The following SERPINE2 variants were observed in gnomAD, a reference collection of about 807,000 sequenced individuals.
The protein encoded by SERPINE2 is glia-derived nexin.
In SERPINE2, 14 loss-of-function variants were observed where a neutral mutation model predicts 36.3. The ratio of observed to expected loss-of-function variants is 0.39; its 90% confidence interval spans 0.25 to 0.60. The LOEUF is 0.60. SERPINE2 is among the 20% of genes least tolerant of loss of function. SERPINE2 has a pLI of 0.57. For missense variants in SERPINE2, 418 were observed against 499.6 expected, an observed-to-expected ratio of 0.84 and a Z score of 1.56; for synonymous variants, 192 against 191.8, an observed-to-expected ratio of 1.00 and a Z score of -0.01.
At chr2:223,999,887 CAGG>C (rs751522464) in intron 2 of SERPINE2, among the ~76,000 whole-genome samples, 2 of 152,164 alleles carry the variant, frequency 1.3e-5, no homozygotes, top group South Asian at 4.1e-4. Context: ...TATAAATCAC[CAGG>C]AGTTTTCTGA....
chr2:224,038,799 A>C (rs1692613887), intron 1 of SERPINE2: 4 of 445,060 alleles, frequency 9.0e-6, no homozygotes, highest in Non-Finnish European at 1.2e-5. Flanking sequence ...AGCTGCGGGT[A>C]TCACTGGACG....
At chr2:224,023,918 C>T (rs895960199) in intron 1 of SERPINE2, among the ~76,000 whole-genome samples, 6 of 152,186 alleles carry the variant, frequency 3.9e-5, no homozygotes, top group Admixed American at 3.9e-4. Flanking sequence ...AGCTTTGGTC[C>T]ATCCATATCC....
At chr2:223,999,814 G>T (rs150840935) in intron 2 of SERPINE2, among the ~76,000 whole-genome samples, 100 of 152,306 alleles carry the variant, frequency 6.6e-4, no homozygotes, top group Non-Finnish European at 7.8e-4. Context: ...AACTGTCTCG[G>T]CCGACACAGC....
At position 223,991,929 on chromosome 2, in the gene SERPINE2, C is replaced by A; in HGVS notation, c.559G>T (p.Val187Leu). 1 of 1,613,120 alleles carries A rather than the reference C, an allele frequency of 6.2e-7. No homozygotes were observed. The highest frequency in any genetic ancestry group is 1.1e-5 in the South Asian group (1 of 90,896). The change falls in exon 4 of 9, where the codon GTG becomes TTG. Residue 187 changes from valine (V) to leucine (L), a missense_variant. Physicochemically the swap from Val to Leu is conservative, Grantham distance 32. Transcript: ENST00000409304. ...GATTTCCACAGACCCTTGAAATACA[C>A]TGCGTTGACGAGGACCAGTCTGGTG... ...VLTRLVLVNA[V>L]YFKGLWKSRF...
intron 3 of SERPINE2, among the ~76,000 whole-genome samples, chr2:223,995,383 G>A (rs542442396): frequency 1.3e-5 from 2 of 152,338 alleles, no homozygotes; most frequent in East Asian, 1.9e-4. Flanking sequence ...CCCAGGTAAA[G>A]GCAGTTTGGA....
chr2:224,007,344 T>C (rs1183985409), intron 1 of SERPINE2, among the ~76,000 whole-genome samples: 1 of 152,238 alleles, frequency 6.6e-6, no homozygotes, highest in African/African-American at 2.4e-5. Context: ...GATCATGTTT[T>C]ATAAAACATA....
chr2:224,017,536 AT>A (rs1257122263), intron 1 of SERPINE2, among the ~76,000 whole-genome samples: 2 of 152,164 alleles, frequency 1.3e-5, no homozygotes, highest in Non-Finnish European at 2.9e-5. Context: ...ATTAATTCTT[AT>A]TCTATAAGAA....
chr2:224,026,382 T>C (rs984079697), intron 1 of SERPINE2, among the ~76,000 whole-genome samples: 1 of 152,238 alleles, frequency 6.6e-6, no homozygotes. Context: ...AAGTACTAAA[T>C]CTGTATTCAA....
At chr2:224,006,530 T>A (rs1418784211) in intron 1 of SERPINE2, among the ~76,000 whole-genome samples, 9 of 152,308 alleles carry the variant, frequency 5.9e-5, no homozygotes, top group Non-Finnish European at 1.0e-4. Flanking sequence ...TAGCATTTCC[T>A]ATTTGCCTGT....
chr2:223,998,219 G>A lies in SERPINE2; in HGVS notation c.383C>T (p.Thr128Ile), dbSNP rs1690970362. The A allele has an allele frequency of 1.2e-6, 2 of 1,613,946 alleles. No individual in the cohort carries two copies. The highest frequency in any genetic ancestry group is 2.7e-5 in the African/African-American group (2 of 74,922). ...NASEIEVPFV[T>I]RNKDVFQCEV... is the part of the protein sequence containing the mutation. ...ACACTGGAACACATCTTTGTTCCTT[G>A]TAACAAAAGGCACTTCAATTTCAGA... is the stretch of plus-strand genomic sequence containing the variant. The change falls in exon 3 of 9, where the codon ACA (threonine) becomes ATA (isoleucine). Residue 128 changes from threonine to isoleucine, a missense_variant. Thr to Ile is a moderately conservative substitution (Grantham distance 89). Coordinates refer to ENST00000409304, the MANE Select transcript of SERPINE2 (RefSeq NM_001136528.2).
At position 223,980,335 on chromosome 2, in the gene SERPINE2, C is replaced by T; in HGVS notation, c.1048G>A (p.Gly350Arg). 2 of 1,614,100 alleles carry T rather than the reference C, an allele frequency of 1.2e-6. No homozygotes were observed. Among genetic ancestry groups the T allele is most frequent in the Non-Finnish European group, 1.7e-6 (2 of 1,179,950 alleles). Reference sequence around the variant, plus strand: ...CTTGTTGCTGCTGAAGCTTTGGTTCCATCTTCACTGACTTCAATTTTTGCT... The same window carrying T: ...CTTGTTGCTGCTGAAGCTTTGGTTCTATCTTCACTGACTTCAATTTTTGCT... The part of the protein sequence containing the change: ...QKAKIEVSED[G>R]TKASAATTAI... The change falls in exon 7 of 9, where the codon GGA (glycine) becomes AGA (arginine). Residue 350 changes from glycine to arginine, a missense_variant. Gly to Arg is a moderately radical substitution (Grantham distance 125). Coordinates refer to ENST00000409304, the MANE Select transcript of SERPINE2 (RefSeq NM_001136528.2).
At chr2:224,030,880 G>T in intron 1 of SERPINE2, 1 of 770,928 alleles carries the variant, frequency 1.3e-6, no homozygotes, top group Non-Finnish European at 1.6e-6. Flanking sequence ...TCAATCCAAA[G>T]GTCAGTACTA....
intron 1 of SERPINE2, among the ~76,000 whole-genome samples, chr2:224,021,114 G>A (rs548608426): frequency 1.4e-4 from 21 of 152,302 alleles, no homozygotes; most frequent in African/African-American, 4.3e-4. Context: ...CTTCGTTCAG[G>A]AGTCAAACCT....
At position 223,975,644 on chromosome 2, in the gene SERPINE2, C is replaced by G. The variant is rs1359207362; in HGVS notation, c.*223G>C. 2 of 401,312 alleles carry G rather than the reference C, an allele frequency of 5.0e-6. No individual in the cohort carries two copies. The highest frequency in any genetic ancestry group is 8.9e-6 in the Non-Finnish European group (2 of 225,400). 24.9% of individuals were successfully genotyped at this position (401,312 alleles called of 1,614,324 possible). On this transcript the variant is annotated 3_prime_UTR_variant, in exon 9 of 9. Coordinates refer to ENST00000409304, the MANE Select transcript of SERPINE2 (RefSeq NM_001136528.2). ...AAGAATCTTTTAGACATCTGGAAGC[C>G]TTTCTATTCATTCCTCAGTACAGTG...
intron 4 of SERPINE2, among the ~76,000 whole-genome samples, chr2:223,986,095 AG>A (rs537828908): frequency 1.3e-5 from 2 of 152,198 alleles, no homozygotes; most frequent in Admixed American, 6.5e-5. Flanking sequence ...TCCATAGAAC[AG>A]GGTTGGGAGG....
At chr2:223,976,029 T>C in intron 8 of SERPINE2, 125 bp from the exon 9 acceptor site, 1 of 727,748 alleles carries the variant, frequency 1.4e-6, no homozygotes, top group Non-Finnish European at 2.1e-6. Flanking sequence ...TAGTGTCCAG[T>C]ATAACTTTCT....
chr2:224,007,381 T>C (rs1162081415), intron 1 of SERPINE2, among the ~76,000 whole-genome samples: 2 of 152,198 alleles, frequency 1.3e-5, no homozygotes, highest in African/African-American at 2.4e-5. Context: ...CATTATATCA[T>C]GGGAAATATC....
At chr2:224,008,366 G>A (rs1385390226) in intron 1 of SERPINE2, among the ~76,000 whole-genome samples, 1 of 152,140 alleles carries the variant, frequency 6.6e-6, no homozygotes, top group Non-Finnish European at 1.5e-5. Flanking sequence ...GTTGCCCTGA[G>A]GTTTATTTTG....
intron 4 of SERPINE2, among the ~76,000 whole-genome samples, chr2:223,990,656 G>A (rs368534941): frequency 2.0e-5 from 3 of 151,952 alleles, no homozygotes; most frequent in Admixed American, 6.6e-5. Context: ...CACGGCCACC[G>A]GCTCATATCC....
Sources: allele counts gnomAD v4.1 joint callset (sites outside exome capture counted in the v4.1 genomes callset), GRCh38; gene constraint gnomAD v4.1.1; transcripts MANE v1.5; gene names NCBI Gene and HGNC (gene_info 2026-07-23, HGNC 2026-07-21).